Variants in UGGT2 observed in about 807,000 individuals in gnomAD.
The protein encoded by UGGT2 is UDP-glucose glycoprotein glucosyltransferase 2.
A neutral mutation model predicts 192.1 loss-of-function variants in UGGT2; 180 were observed. The observed-to-expected ratio is 0.94, with a 90% CI of 0.83 to 1.06. UGGT2 has a LOEUF of 1.06. UGGT2 is among the 50% of genes least tolerant of loss of function. The probability of loss-of-function intolerance (pLI) is 0.00; values close to 1 mark genes in which losing one functional copy is unlikely to be tolerated. For synonymous variants in UGGT2, 580 were observed against 591.0 expected (o/e 0.98, Z 0.27); for missense variants, 1,849 against 1,795.7 (o/e 1.03, Z -0.54).
At chr13:95,832,450 A>G (rs1382490837) in intron 38 of UGGT2, among the ~76,000 whole-genome samples, 1 of 152,184 alleles carries the variant, frequency 6.6e-6, no homozygotes, top group Non-Finnish European at 1.5e-5. Context: ...ATCTAATCCA[A>G]GTCATTCTCC....
intron 27 of UGGT2, among the ~76,000 whole-genome samples, chr13:95,879,831 A>G (rs915002894): frequency 6.6e-6 from 1 of 152,178 alleles, no homozygotes; most frequent in Admixed American, 6.5e-5. Flanking sequence ...TCTGTTTTAA[A>G]TATTAATTGT....
intron 20 of UGGT2, 140 bp from the exon 21 acceptor site, chr13:95,903,200 T>A: frequency 1.4e-6 from 1 of 693,062 alleles, no homozygotes; most frequent in Non-Finnish European, 2.3e-6. Flanking sequence ...TTTACTGTAC[T>A]AAATGTGATA....
chr13:96,031,587 G>A (rs4773932), intron 2 of UGGT2, among the ~76,000 whole-genome samples: 16,866 of 152,184 alleles, frequency 0.11, 1,061 homozygotes, highest in Middle Eastern at 0.19. Flanking sequence ...CTTCCAAGTA[G>A]CTGCTACTAC....
In UGGT2 at chr13:95,949,432, T is replaced by G; in HGVS notation, c.1358A>C (p.Asp453Ala). 1 of 1,544,548 alleles carries G rather than the reference T, an allele frequency of 6.5e-7. No individual in the cohort carries two copies. ...TGTAGGCCATGTAATATACAAATCA[T>G]CATTTTCTAAGTCATTAATCCACTA... is the stretch of plus-strand genomic sequence containing the variant. ...SIMWINDLEN[D>A]DLYITWPTSC... Residue 453 changes from aspartate to alanine, a missense_variant, in exon 13 of 39, where the codon GAT (aspartate) becomes GCT (alanine). Asp to Ala is a moderately radical substitution (Grantham distance 126). Coordinates refer to ENST00000376747, the MANE Select transcript of UGGT2 (RefSeq NM_020121.4).
chr13:95,935,466 C>A lies in UGGT2; in HGVS notation c.1977+1458G>T, dbSNP rs2049432525. ...GACACAAAATTCTTGGTTGGAATTT[C>A]TTTTCTTTAGGAATGCTGAAAATAG... On this transcript the variant is annotated intron_variant, in intron 17 of 38. Coordinates refer to ENST00000376747, the MANE Select transcript of UGGT2 (RefSeq NM_020121.4). 1.3e-5 allele frequency among the ~76,000 whole-genome samples: 2 copies of A among 152,286 alleles called. 1 individual carries two copies. Among genetic ancestry groups the A allele is most frequent in the South Asian group, 4.1e-4 (2 of 4,822 alleles).
intron 24 of UGGT2, 86 bp from the exon 25 acceptor site, chr13:95,891,050 A>C: frequency 1.0e-6 from 1 of 970,784 alleles, no homozygotes; most frequent in Non-Finnish European, 1.5e-6. Context: ...AATTCTTATA[A>C]ATTGTTTTCT....
At chr13:95,970,289 T>C in intron 11 of UGGT2, 27 bp from the exon 12 acceptor site, 1 of 1,562,668 alleles carries the variant, frequency 6.4e-7, no homozygotes, top group Non-Finnish European at 8.7e-7. Context: ...AAAACAGTTT[T>C]ATTTTGATTT....
intron 9 of UGGT2, 25 bp from the exon 10 acceptor site, chr13:95,983,889 T>C (rs759723731): frequency 2.1e-6 from 3 of 1,459,344 alleles, no homozygotes; most frequent in Admixed American, 2.1e-5. Context: ...ACTAATATAA[T>C]TGATCCTTCC....
chr13:95,967,763 T>C (rs1261876107), intron 12 of UGGT2, among the ~76,000 whole-genome samples: 1 of 152,184 alleles, frequency 6.6e-6, no homozygotes, highest in African/African-American at 2.4e-5. Context: ...TGAGACACTG[T>C]GCCTGGCCAG....
intron 12 of UGGT2, among the ~76,000 whole-genome samples, chr13:95,951,211 A>T (rs993204979): frequency 2.6e-5 from 4 of 152,222 alleles, no homozygotes; most frequent in Non-Finnish European, 5.9e-5. Flanking sequence ...ATGAAGACAA[A>T]TCAATAAACA....
At chr13:95,914,086 A>T (rs1206928466) in intron 20 of UGGT2, among the ~76,000 whole-genome samples, 2 of 152,104 alleles carry the variant, frequency 1.3e-5, no homozygotes, top group Admixed American at 6.6e-5. Context: ...ATCACCCACC[A>T]GGGCCTGTTG....
intron 20 of UGGT2, among the ~76,000 whole-genome samples, chr13:95,911,407 C>T (rs921019371): frequency 6.6e-6 from 1 of 152,148 alleles, no homozygotes; most frequent in African/African-American, 2.4e-5. Flanking sequence ...TGGGATATCA[C>T]CACTGATCCC....
chr13:95,887,999 T>C (rs960051949), intron 25 of UGGT2, 28 bp from the exon 26 acceptor site: 8 of 1,386,420 alleles, frequency 5.8e-6, no homozygotes, highest in Non-Finnish European at 7.1e-6. Context: ...CCATGTTTGA[T>C]ATTAAATAAT....
At chr13:95,894,275 T>C (rs1281770273) in intron 24 of UGGT2, among the ~76,000 whole-genome samples, 1 of 152,192 alleles carries the variant, frequency 6.6e-6, no homozygotes, top group African/African-American at 2.4e-5. Flanking sequence ...CTTGAGATAC[T>C]GCAAAAATTA....
At chr13:96,012,632 T>C (rs2052197877) in intron 5 of UGGT2, among the ~76,000 whole-genome samples, 1 of 152,072 alleles carries the variant, frequency 6.6e-6, no homozygotes, top group Non-Finnish European at 1.5e-5. Flanking sequence ...GATTAAATAT[T>C]AGTATATAAA....
chr13:95,802,937 C>A (rs1044395849), intron 38 of UGGT2, among the ~76,000 whole-genome samples: 15 of 151,430 alleles, frequency 9.9e-5, no homozygotes, highest in African/African-American at 3.6e-4. Flanking sequence ...GGGTTCACAC[C>A]ATTCTCCTGC....
Position 95,986,347 on chromosome 13 carries a change from G to A in UGGT2, c.1017C>T (p.Phe339=). The stretch of plus-strand genomic sequence containing the variant: ...CTTTAACATACCTGGCTTTTATGGG[G>A]AAGTTCTGTGAAATGTCTTTCATTA... The part of the protein sequence containing the change: ...IKLMKDISQN[F]PIKARSLTRI... Residue 339 remains phenylalanine, a synonymous_variant, in exon 9 of 39, where the codon TTC becomes TTT. Coordinates refer to ENST00000376747, the MANE Select transcript of UGGT2 (RefSeq NM_020121.4). 4.4e-6 allele frequency: 7 copies of A among 1,595,338 alleles called. No homozygotes were observed. Among genetic ancestry groups the A allele is most frequent in the African/African-American group, 1.3e-5 (1 of 74,706 alleles).
At position 96,023,138 on chromosome 13, in the gene UGGT2, C is replaced by A; in HGVS notation, c.387G>T (p.Glu129Asp). 6.3e-7 allele frequency: 1 copy of A among 1,582,574 alleles called. No homozygotes were observed. The highest frequency in any genetic ancestry group is 8.6e-7 in the Non-Finnish European group (1 of 1,163,036). ...ATGCATTACAACCATCTGGTGGTGG[C>A]TCATCAGCTGCAATCTAAGATTTCA... ...IQMFQQIAAD[E>D]PPPDGCNAFV... The change falls in exon 4 of 39, where the codon GAG becomes GAT. Residue 129 changes from glutamate to aspartate, a missense_variant. Transcript: ENST00000376747.
rs1468118025 is a variant in UGGT2, at chr13:95,936,943, A to C, written c.1958T>G (p.Leu653Ter). The C allele has an allele frequency of 1.3e-6, 2 of 1,558,184 alleles. No individual in the cohort carries two copies. Among genetic ancestry groups the C allele is most frequent in the Admixed American group, 2.2e-5 (1 of 44,950 alleles). Residue 653 changes from leucine (L) to a stop codon, truncating the protein, a stop_gained, in exon 17 of 39, where the codon TTA becomes TGA. Transcript: ENST00000376747. LOFTEE classifies it high-confidence loss of function. ...ACCTACCAAAAAAACTTCTCTTTGT[A>C]AATATACAGATGCATCCATCATTCT... is the stretch of plus-strand genomic sequence containing the variant. ...LQRMMDASVY[L>*]QREVFLGTLN... is the part of the protein sequence containing the mutation.
Sources: gnomAD v4.1 joint callset for allele counts (sites outside exome capture counted in the v4.1 genomes callset) on GRCh38, gnomAD v4.1.1 for gene constraint, MANE v1.5 for transcripts, NCBI Gene and HGNC (gene_info 2026-07-23, HGNC 2026-07-21) for gene names.